Variants in MYOM1 observed in about 807,000 individuals in gnomAD.
MYOM1 encodes the protein myomesin-1.
A neutral mutation model predicts 205.3 loss-of-function variants in MYOM1; 164 were observed. The observed-to-expected ratio is 0.80, with a 90% CI of 0.70 to 0.91. The LOEUF is 0.91. MYOM1 is among the 40% of genes least tolerant of loss of function. The probability of loss-of-function intolerance (pLI) is 0.00; values close to 1 mark genes in which losing one functional copy is unlikely to be tolerated. For synonymous variants in MYOM1, 772 were observed against 789.4 expected, an observed-to-expected ratio of 0.98 and a Z score of 0.37; for missense variants, 2,011 against 2,127.3, an observed-to-expected ratio of 0.95 and a Z score of 1.08.
chr18:3,101,294 C>G (rs1389736417), intron 23 of MYOM1, among the ~76,000 whole-genome samples: 1 of 152,140 alleles, frequency 6.6e-6, no homozygotes, highest in African/African-American at 2.4e-5. Flanking sequence ...TGTGCTTTAT[C>G]AAATATTTGC....
At chr18:3,231,586 C>T in the MYOM1 span, among the ~76,000 whole-genome samples, 1 of 139,170 alleles carries the variant, frequency 7.2e-6, no homozygotes, top group Non-Finnish European at 1.5e-5. Flanking sequence ...GCTGCCCAGG[C>T]TGGTGTGCAA....
rs188543252 is a variant in MYOM1 at position 3,168,726 on chromosome 18, C to T, written c.1339+91G>A. On this transcript the variant is annotated intron_variant, in intron 9 of 37. Transcript: ENST00000356443. ...GTGTAAAGGTAGTCCCTTCTAACTT[C>T]CAGATTCCACCAGCTCCGATAAACA... is the stretch of plus-strand genomic sequence containing the variant. The T allele has an allele frequency of 2.5e-5, 35 of 1,384,886 alleles. No individual in the cohort carries two copies. The Admixed American group carries it at 6.6e-4, about 26-fold the overall frequency. The allele number at this position is 1,384,886 out of a possible 1,614,324, so 85.8% of individuals were successfully genotyped here.
chr18:3,212,248 T>C (rs1056317701), intron 2 of MYOM1, among the ~76,000 whole-genome samples: 1 of 152,158 alleles, frequency 6.6e-6, no homozygotes, highest in Non-Finnish European at 1.5e-5. Flanking sequence ...AATAAATACC[T>C]ACCTACAAAA....
chr18:3,154,964 G>A lies in MYOM1; in HGVS notation c.1626C>T (p.Leu542=), dbSNP rs768451222. The part of the protein sequence containing the change: ...QPAVDGGSPI[L]GYFIDKCEVG... ...GCACTAACTTATCAATAAAATATCC[G>A]AGAATAGGACTCCCTCCATCGACAG... The change falls in exon 11 of 38, where the codon CTC becomes CTT. Residue 542 remains leucine (L), a synonymous_variant. Transcript: ENST00000356443. 9 of 1,611,840 alleles carry A rather than the reference G, an allele frequency of 5.6e-6. No homozygotes were observed. The highest frequency in any genetic ancestry group is 1.3e-5 in the African/African-American group (1 of 75,004).
chr18:3,094,119 C>A, intron 26 of MYOM1, 51 bp downstream of exon 26: 1 of 1,585,328 alleles, frequency 6.3e-7, no homozygotes. Context: ...AAGGCTTCCT[C>A]AGTGTATTCT....
chr18:3,144,750 TA>T (rs2080101301), intron 13 of MYOM1, among the ~76,000 whole-genome samples: 1 of 152,118 alleles, frequency 6.6e-6, no homozygotes, highest in African/African-American at 2.4e-5. Context: ...GTTATAACAA[TA>T]AAGTGGTCAA....
chr18:3,074,572 G>T (rs1294189125), intron 36 of MYOM1, among the ~76,000 whole-genome samples: 1 of 152,202 alleles, frequency 6.6e-6, no homozygotes, highest in Non-Finnish European at 1.5e-5. Context: ...ATCTGTGTGT[G>T]TGAAACAAAC....
chr18:3,154,616 TACAC>T (rs10625884), intron 11 of MYOM1, among the ~76,000 whole-genome samples: 63,423 of 145,666 alleles, frequency 0.44, 13,808 homozygotes, highest in Non-Finnish European at 0.48. Context: ...ACCTACTCAA[TACAC>T]ACACACACAC....
chr18:3,193,802 G>A lies in MYOM1; in HGVS notation c.431+16C>T, dbSNP rs2080953746. On this transcript the variant is annotated intron_variant, in intron 3 of 37. Coordinates refer to ENST00000356443, the MANE Select transcript of MYOM1 (RefSeq NM_003803.4). The stretch of plus-strand genomic sequence containing the variant: ...ACTTCTTAAAAATTAAAGCCAGGAA[G>A]AAAAAGCACACTCACCGTCCTGAGA... The A allele has an allele frequency of 1.2e-6, 2 of 1,603,334 alleles. No individual in the cohort carries two copies. The highest frequency in any genetic ancestry group is 1.7e-6 in the Non-Finnish European group (2 of 1,175,892).
At position 3,126,809 on chromosome 18, in the gene MYOM1, T is replaced by G. The variant is rs1471681633; in HGVS notation, c.2883A>C (p.Gly961=). 3 of 1,613,790 alleles carry G rather than the reference T, an allele frequency of 1.9e-6. No individual in the cohort carries two copies. The highest frequency in any genetic ancestry group is 2.5e-6 in the Non-Finnish European group (3 of 1,179,810). Residue 961 remains glycine (G), a synonymous_variant, in exon 19 of 38, where the codon GGA becomes GGC. Coordinates refer to ENST00000356443, the MANE Select transcript of MYOM1 (RefSeq NM_003803.4). ...CATAATAGCCAGTAATTTCTGCCCC[T>G]CCAATCTTATCTGGTTGCTTCCATC... is the stretch of plus-strand genomic sequence containing the variant. ...VLGWKQPDKI[G]GAEITGYYVN...
chr18:3,127,682 A>C (rs932819570), intron 18 of MYOM1, among the ~76,000 whole-genome samples: 4 of 152,044 alleles, frequency 2.6e-5, no homozygotes, highest in African/African-American at 9.7e-5. Flanking sequence ...AGACCTTACA[A>C]CTACACAACT....
chr18:3,071,541 T>C (rs923527368), intron 37 of MYOM1, among the ~76,000 whole-genome samples: 7 of 152,124 alleles, frequency 4.6e-5, no homozygotes, highest in East Asian at 1.9e-4. Flanking sequence ...GTATTTTTAA[T>C]AGAGACGGGG....
intron 5 of MYOM1, among the ~76,000 whole-genome samples, chr18:3,186,812 G>GA: frequency 7.3e-6 from 1 of 136,908 alleles, no homozygotes; most frequent in East Asian, 2.1e-4. Flanking sequence ...GAGAAAGAAA[G>GA]AAAGAAAGAA....
chr18:3,231,777 C>T, the MYOM1 span, among the ~76,000 whole-genome samples: 1,477 of 149,358 alleles, frequency 9.9e-3, 14 homozygotes, highest in Non-Finnish European at 0.016. Flanking sequence ...TTCTTGACCT[C>T]GTGATCTGCC....
At chr18:3,137,215 C>G (rs991332308) in intron 14 of MYOM1, among the ~76,000 whole-genome samples, 2 of 152,192 alleles carry the variant, frequency 1.3e-5, no homozygotes, top group Non-Finnish European at 2.9e-5. Flanking sequence ...TCCCAAAGTG[C>G]TGGGATTACA....
chr18:3,158,270 C>T (rs1033971379), intron 10 of MYOM1, among the ~76,000 whole-genome samples: 9 of 152,136 alleles, frequency 5.9e-5, no homozygotes, highest in African/African-American at 2.2e-4. Context: ...CATATCAATA[C>T]ATGTGGGTAG....
At chr18:3,184,563 CTTT>C (rs1567955666) in intron 5 of MYOM1, among the ~76,000 whole-genome samples, 1 of 152,100 alleles carries the variant, frequency 6.6e-6, no homozygotes. Flanking sequence ...TCTCCCAGTT[CTTT>C]TTTTGTTTGT....
intron 37 of MYOM1, among the ~76,000 whole-genome samples, chr18:3,068,498 C>T (rs1279045250): frequency 6.6e-6 from 1 of 152,034 alleles, no homozygotes; most frequent in Non-Finnish European, 1.5e-5. Context: ...ACAAGAACCC[C>T]TTGCGTTGTC....
intron 21 of MYOM1, among the ~76,000 whole-genome samples, chr18:3,113,728 A>T (rs1567912248): frequency 9.0e-6 from 1 of 111,208 alleles, no homozygotes; most frequent in Non-Finnish European, 1.9e-5. Flanking sequence ...TATTTTAAAA[A>T]CATGTGACTT....
Sources: gnomAD v4.1 joint callset for allele counts (sites outside exome capture counted in the v4.1 genomes callset) on GRCh38, gnomAD v4.1.1 for gene constraint, MANE v1.5 for transcripts, NCBI Gene and HGNC (gene_info 2026-07-23, HGNC 2026-07-21) for gene names.